RSPH14: variants seen among roughly 807,000 people sequenced by gnomAD.
RSPH14 encodes the protein radial spoke head 14 homolog.
RSPH14 carries 20 observed loss-of-function variants against 26.7 expected under a neutral mutation model. The ratio of observed to expected loss-of-function variants is 0.75; its 90% CI spans 0.53 to 1.09. The LOEUF (loss-of-function observed/expected upper bound fraction) is 1.09, where lower values mean the gene tolerates loss of function less well. Among genes scored for constraint, RSPH14 ranks in the 50% least tolerant of loss-of-function variants. RSPH14 has a pLI of 0.00. For missense variants in RSPH14, 449 were observed against 457.2 expected, an observed-to-expected ratio of 0.98 and a Z score of 0.16; for synonymous variants, 177 against 189.3, an observed-to-expected ratio of 0.93 and a Z score of 0.53.
chr22:23,141,920 G>C (rs969502166), intron 1 of RSPH14, 29 bp downstream of exon 1: 1 of 966,354 alleles, frequency 1.0e-6, no homozygotes, highest in Non-Finnish European at 1.2e-6. Context: ...CCCTGTCCCC[G>C]GGCCCCTAGC....
chr22:23,130,872 C>T (rs545351213), intron 4 of RSPH14, among the ~76,000 whole-genome samples: 8 of 152,354 alleles, frequency 5.3e-5, no homozygotes, highest in South Asian at 2.1e-4. Context: ...GGATATGCCC[C>T]GGGCTCTCTG....
At chr22:23,095,060 C>G (rs1836414881) in intron 4 of RSPH14, among the ~76,000 whole-genome samples, 1 of 152,246 alleles carries the variant, frequency 6.6e-6, no homozygotes, top group South Asian at 2.1e-4. Context: ...CAACAGCAGA[C>G]ATATGTGTTA....
intron 4 of RSPH14, among the ~76,000 whole-genome samples, chr22:23,107,436 A>G (rs1229033589): frequency 1.3e-5 from 2 of 152,104 alleles, no homozygotes; most frequent in African/African-American, 2.4e-5. Flanking sequence ...CCCAGGGAAA[A>G]GTCGAGGGCC....
the RSPH14 span, chr22:23,152,623 C>T: frequency 8.2e-7 from 1 of 1,213,994 alleles, no homozygotes; most frequent in Non-Finnish European, 1.2e-6. Context: ...TAGCAGAAAT[C>T]ATGTGGCTTC....
At chr22:23,103,498 G>C (rs1033352077) in intron 4 of RSPH14, among the ~76,000 whole-genome samples, 6 of 152,118 alleles carry the variant, frequency 3.9e-5, no homozygotes, top group Admixed American at 1.3e-4. Flanking sequence ...CTCTGACCCT[G>C]TGGCCGCGTG....
At chr22:23,138,221 G>A (rs1185213418) in intron 3 of RSPH14, among the ~76,000 whole-genome samples, 2 of 152,156 alleles carry the variant, frequency 1.3e-5, no homozygotes, top group Non-Finnish European at 2.9e-5. Context: ...CTAAGAAGTG[G>A]CAAAATTGTT....
At chr22:23,143,865 C>T (rs546432002), upstream of RSPH14, among the ~76,000 whole-genome samples, 6 of 152,150 alleles carry the variant, frequency 3.9e-5, no homozygotes, top group East Asian at 3.9e-4. Flanking sequence ...CCAAGGCCGG[C>T]GGATCACATG....
In RSPH14 at chr22:23,062,683, C is replaced by A. The variant is rs569206735; in HGVS notation, c.654-738G>T. Among the ~76,000 whole-genome samples, 3 of 152,354 alleles carry A rather than the reference C, an allele frequency of 2.0e-5. No individual in the cohort carries two copies. In the East Asian group the frequency reaches 5.8e-4, roughly 29 times the overall value. ...CAGATTGGGAAATGAGGTTGGCCAG[C>A]CACTAGCTGTGACACTGGGAGCCTT... On this transcript the variant is annotated intron_variant, in intron 5 of 6. Transcript: ENST00000216036.
intron 4 of RSPH14, among the ~76,000 whole-genome samples, chr22:23,073,093 T>C (rs1023038037): frequency 4.6e-5 from 7 of 152,262 alleles, no homozygotes; most frequent in African/African-American, 1.7e-4. Flanking sequence ...GGCAGCCCTG[T>C]GCTGTCTGTC....
the RSPH14 span, among the ~76,000 whole-genome samples, chr22:23,156,863 G>A: frequency 2.1e-4 from 32 of 152,288 alleles, no homozygotes; most frequent in East Asian, 1.7e-3. Context: ...GGTGCGAGGC[G>A]CCTGGCCCAC....
the RSPH14 span, chr22:23,161,474 C>T: frequency 6.3e-7 from 1 of 1,582,784 alleles, no homozygotes. Context: ...CTGGTTGATG[C>T]TAAATTACTT....
upstream of RSPH14, among the ~76,000 whole-genome samples, chr22:23,142,769 C>T (rs540076461): frequency 6.6e-5 from 10 of 152,182 alleles, no homozygotes; most frequent in Non-Finnish European, 1.5e-4. Flanking sequence ...TGCTGGCCAG[C>T]GTAGCTGTTC....
At chr22:23,137,194 G>A (rs2070497973) in intron 3 of RSPH14, among the ~76,000 whole-genome samples, 1 of 138,624 alleles carries the variant, frequency 7.2e-6, no homozygotes, top group African/African-American at 2.6e-5. Context: ...CTGGGTTCAA[G>A]CAATTCTTGT....
intron 4 of RSPH14, among the ~76,000 whole-genome samples, chr22:23,100,466 C>T (rs1270868567): frequency 6.6e-6 from 1 of 152,212 alleles, no homozygotes; most frequent in Non-Finnish European, 1.5e-5. Flanking sequence ...GGACGGGGGA[C>T]ATAAGAACAT....
the RSPH14 span, among the ~76,000 whole-genome samples, chr22:23,173,467 G>T: frequency 3.3e-5 from 5 of 151,998 alleles, no homozygotes; most frequent in African/African-American, 1.2e-4. Flanking sequence ...TTGAGACAGG[G>T]TCTCACTCTG....
chr22:23,150,303 T>TA, the RSPH14 span: 3 of 599,908 alleles, frequency 5.0e-6, no homozygotes, highest in Non-Finnish European at 5.7e-6. Context: ...CTTTTTTTTT[T>TA]CTTTTTTTTT....
At chr22:23,173,049 T>C in the RSPH14 span, among the ~76,000 whole-genome samples, 1 of 152,200 alleles carries the variant, frequency 6.6e-6, no homozygotes, top group Non-Finnish European at 1.5e-5. Flanking sequence ...GTTTCCTCCA[T>C]GTTTTTCCAT....
At chr22:23,130,083 GGAAGAAAGAAAGAAAGAAAGAA>G (rs2070290736) in intron 4 of RSPH14, among the ~76,000 whole-genome samples, 1 of 29,112 alleles carries the variant, frequency 3.4e-5, no homozygotes, top group African/African-American at 2.0e-4. Context: ...AAGAAAGAAA[GGAAGAAAGAAAGAAAGAAAGAA>G]AGAAAGAAAG....
At chr22:23,096,437 T>G (rs1260802742) in intron 4 of RSPH14, 8 of 1,581,198 alleles carry the variant, frequency 5.1e-6, no homozygotes, top group Admixed American at 1.7e-5. Context: ...GGCCGGGGGT[T>G]TTCCTCTGCT....
Sources: gnomAD v4.1 joint callset for allele counts (sites outside exome capture counted in the v4.1 genomes callset) on GRCh38, gnomAD v4.1.1 for gene constraint, MANE v1.5 for transcripts, NCBI Gene and HGNC (gene_info 2026-07-23, HGNC 2026-07-21) for gene names.